The following CTNNA3 variants were observed in gnomAD, a reference collection of about 807,000 sequenced individuals.
The protein encoded by CTNNA3 is catenin alpha-3.
CTNNA3 carries 76 observed loss-of-function variants against 95.7 expected under a neutral mutation model. That is an observed-to-expected ratio of 0.79 (90% CI 0.66 to 0.96). The LOEUF is 0.96. Ranked by LOEUF, CTNNA3 falls within the 40% of genes least tolerant of loss-of-function variation. CTNNA3 has a pLI of 0.00. For missense variants in CTNNA3, 1,191 were observed against 1,089.8 expected (o/e 1.09, Z -1.31); for synonymous variants, 431 against 374.4 (o/e 1.15, Z -1.74).
chr10:66,415,884 C>T (rs1254152133), intron 11 of CTNNA3, among the ~76,000 whole-genome samples: 1 of 152,016 alleles, frequency 6.6e-6, no homozygotes, highest in Non-Finnish European at 1.5e-5. Flanking sequence ...TTAGAAGAAG[C>T]AACTGCTACA....
intron 7 of CTNNA3, among the ~76,000 whole-genome samples, chr10:67,003,860 T>C (rs1851817381): frequency 6.6e-6 from 1 of 152,180 alleles, no homozygotes; most frequent in South Asian, 2.1e-4. Flanking sequence ...ACATTTGCAA[T>C]GCATCAGCCA....
chr10:66,314,215 G>A (rs1462290232), intron 12 of CTNNA3, among the ~76,000 whole-genome samples: 1 of 152,030 alleles, frequency 6.6e-6, no homozygotes, highest in Non-Finnish European at 1.5e-5. Flanking sequence ...GGACAGCATT[G>A]AGCACAAGAC....
intron 10 of CTNNA3, among the ~76,000 whole-genome samples, chr10:66,576,448 A>G (rs1246055672): frequency 1.3e-5 from 2 of 152,040 alleles, no homozygotes; most frequent in Non-Finnish European, 2.9e-5. Flanking sequence ...AGCATAGTAC[A>G]TAACAGGTAG....
At chr10:65,966,231 G>A (rs1022347038) in intron 17 of CTNNA3, among the ~76,000 whole-genome samples, 3 of 152,140 alleles carry the variant, frequency 2.0e-5, no homozygotes, top group African/African-American at 7.2e-5. Context: ...ATTAATAGCA[G>A]CGAAGCAATC....
At chr10:66,389,211 A>C (rs1482135079) in intron 11 of CTNNA3, among the ~76,000 whole-genome samples, 4 of 150,032 alleles carry the variant, frequency 2.7e-5, no homozygotes, top group African/African-American at 4.9e-5. Context: ...TCTCCTCAAA[A>C]ATTTTTTTTT....
chr10:65,943,967 CA>C (rs1192211358), intron 17 of CTNNA3, among the ~76,000 whole-genome samples: 12 of 152,136 alleles, frequency 7.9e-5, no homozygotes, highest in Non-Finnish European at 4.4e-5. Context: ...GTTGGAAAAC[CA>C]GGAACAAATT....
chr10:67,510,424 G>A (rs1589374530), intron 5 of CTNNA3, among the ~76,000 whole-genome samples: 2 of 150,890 alleles, frequency 1.3e-5, no homozygotes, highest in South Asian at 4.2e-4. Context: ...AGTTTTCCCT[G>A]CACCATTTAC....
intron 9 of CTNNA3, among the ~76,000 whole-genome samples, chr10:66,745,725 G>A (rs1467315086): frequency 1.3e-5 from 2 of 150,864 alleles, no homozygotes; most frequent in Non-Finnish European, 3.0e-5. Context: ...GAGTAGCTGG[G>A]ACTACAGGCG....
intron 7 of CTNNA3, among the ~76,000 whole-genome samples, chr10:66,777,799 G>GCA (rs111611061): frequency 0.56 from 76,895 of 138,046 alleles, 21,220 homozygotes; most frequent in Non-Finnish European, 0.63. Context: ...ACACACACAT[G>GCA]CACACACACA....
intron 17 of CTNNA3, among the ~76,000 whole-genome samples, chr10:65,943,337 G>A (rs1461580894): frequency 6.6e-6 from 1 of 152,072 alleles, no homozygotes; most frequent in Non-Finnish European, 1.5e-5. Context: ...GTGTAGTTAT[G>A]TCGTTTTTAA....
upstream of CTNNA3, among the ~76,000 whole-genome samples, chr10:67,699,737 G>A (rs991356963): frequency 3.9e-5 from 6 of 152,238 alleles, no homozygotes; most frequent in Non-Finnish European, 8.8e-5. Flanking sequence ...TGAGGTACCA[G>A]GTTCATCTCA....
At chr10:67,752,877 G>A (rs540522066) in intron 1 of CTNNA3, among the ~76,000 whole-genome samples, 81 of 152,236 alleles carry the variant, frequency 5.3e-4, no homozygotes, top group Non-Finnish European at 1.1e-3. Context: ...AATCAATATC[G>A]TGAAAATGGC....
intron 7 of CTNNA3, among the ~76,000 whole-genome samples, chr10:66,865,430 C>T (rs999493610): frequency 2.6e-5 from 4 of 151,964 alleles, no homozygotes; most frequent in South Asian, 2.1e-4. Context: ...ACAGTAAATT[C>T]GAGTATGTGT....
chr10:66,175,014 C>T lies in CTNNA3; in HGVS notation c.1885-71765G>A, dbSNP rs569085558. 3.3e-5 allele frequency among the ~76,000 whole-genome samples: 5 copies of T among 152,146 alleles called. No individual in the cohort carries two copies. The South Asian group carries it at 8.3e-4, about 25-fold the overall frequency. ...GTAAATGATAATCAATGTGTCATTG[C>T]CTCAGATATTGAGAAAGAAGGTACA... On this transcript the variant is annotated intron_variant, in intron 13 of 17. Transcript: ENST00000433211.
chr10:66,591,841 G>A (rs374608391), intron 10 of CTNNA3, among the ~76,000 whole-genome samples: 14 of 151,658 alleles, frequency 9.2e-5, no homozygotes, highest in African/African-American at 3.4e-4. Context: ...TAATACACAG[G>A]AAAAAAATCT....
intron 5 of CTNNA3, among the ~76,000 whole-genome samples, chr10:67,310,094 G>T (rs1279685939): frequency 6.6e-6 from 1 of 152,164 alleles, no homozygotes; most frequent in Non-Finnish European, 1.5e-5. Flanking sequence ...CAGAGTGATA[G>T]AAGGGTTAAA....
At chr10:67,402,495 G>C (rs1019624887) in intron 5 of CTNNA3, among the ~76,000 whole-genome samples, 28 of 152,280 alleles carry the variant, frequency 1.8e-4, no homozygotes, top group Non-Finnish European at 1.5e-5. Flanking sequence ...GAAAAGCAGT[G>C]AGTAAATACA....
At chr10:67,451,811 CTCT>C (rs1846994678) in intron 5 of CTNNA3, among the ~76,000 whole-genome samples, 1 of 152,170 alleles carries the variant, frequency 6.6e-6, no homozygotes, top group African/African-American at 2.4e-5. Flanking sequence ...CATAGGAAAT[CTCT>C]ATTTTCCTTA....
In CTNNA3 at chr10:66,806,204, T is replaced by G. The variant is rs532597670; in HGVS notation, c.1048-30680A>C. ...AGCATTAAATACTGAAGTTAGAGCA[T>G]GATATAAATAATAATGTCTAAGCAC... On this transcript the variant is annotated intron_variant, in intron 7 of 17. Transcript: ENST00000433211. Among the ~76,000 whole-genome samples, 6 of 151,708 alleles carry G rather than the reference T, an allele frequency of 4.0e-5. No individual in the cohort carries two copies. In the South Asian group the frequency reaches 1.3e-3, roughly 32 times the overall value.
Sources: gnomAD v4.1 joint callset for allele counts (sites outside exome capture counted in the v4.1 genomes callset) on GRCh38, gnomAD v4.1.1 for gene constraint, MANE v1.5 for transcripts, NCBI Gene and HGNC (gene_info 2026-07-23, HGNC 2026-07-21) for gene names.